The following GRB10 variants were observed in gnomAD, a reference collection of about 807,000 sequenced individuals.
The protein encoded by GRB10 is growth factor receptor bound protein 10.
GRB10 carries 20 observed loss-of-function variants against 80.9 expected under a neutral mutation model. That is an observed-to-expected ratio of 0.25 (90% CI 0.17 to 0.36). GRB10 has a LOEUF of 0.36. Ranked by LOEUF, GRB10 falls within the 10% of genes least tolerant of loss-of-function variation. GRB10 has a pLI of 1.00. For missense variants in GRB10, 548 were observed against 747.7 expected (o/e 0.73, Z 3.12); for synonymous variants, 291 against 291.5 (o/e 1.00, Z 0.02).
At chr7:50,750,068 A>T (rs1256782391) in intron 3 of GRB10, among the ~76,000 whole-genome samples, 1 of 152,198 alleles carries the variant, frequency 6.6e-6, no homozygotes, top group Non-Finnish European at 1.5e-5. Flanking sequence ...GGTGGGGGCA[A>T]AGAAAAAAGG....
intron 5 of GRB10, among the ~76,000 whole-genome samples, chr7:50,700,324 C>T (rs1235199682): frequency 2.0e-5 from 3 of 152,022 alleles, no homozygotes; most frequent in Admixed American, 2.0e-4. Flanking sequence ...TCTATCTTCC[C>T]CCAGATTTCC....
chr7:50,661,165 C>G (rs544348694), intron 7 of GRB10, among the ~76,000 whole-genome samples: 1 of 152,244 alleles, frequency 6.6e-6, no homozygotes, highest in African/African-American at 2.4e-5. Flanking sequence ...ACAACCTGCA[C>G]TGGGAGGCCA....
intron 2 of GRB10, among the ~76,000 whole-genome samples, chr7:50,769,991 G>A (rs1480935365): frequency 1.3e-5 from 2 of 152,150 alleles, no homozygotes; most frequent in Non-Finnish European, 2.9e-5. Context: ...GCCAACACAG[G>A]ACACATCACA....
intron 2 of GRB10, chr7:50,779,071 C>A (rs2078005542): frequency 6.6e-6 from 1 of 152,168 alleles, no homozygotes. Flanking sequence ...GGGCTAATCA[C>A]TAGAAAATTC....
At chr7:50,645,564 G>A (rs139672506) in intron 7 of GRB10, 1 of 979,664 alleles carries the variant, frequency 1.0e-6, no homozygotes, top group Non-Finnish European at 1.2e-6. Flanking sequence ...ACACCAAGAA[G>A]AATAAGTACC....
intron 8 of GRB10, among the ~76,000 whole-genome samples, chr7:50,621,410 C>A (rs1332188426): frequency 6.6e-6 from 1 of 152,198 alleles, no homozygotes; most frequent in African/African-American, 2.4e-5. Flanking sequence ...GCCTACCATC[C>A]CCAGAGGTGG....
intron 4 of GRB10, among the ~76,000 whole-genome samples, chr7:50,728,298 A>T (rs2069004347): frequency 6.6e-6 from 1 of 152,200 alleles, no homozygotes; most frequent in Non-Finnish European, 1.5e-5. Flanking sequence ...CAACAGTGAC[A>T]GACTTTGGGA....
At chr7:50,652,442 C>T (rs1042009651) in intron 7 of GRB10, among the ~76,000 whole-genome samples, 7 of 152,158 alleles carry the variant, frequency 4.6e-5, no homozygotes, top group East Asian at 3.8e-4. Context: ...AGGGGAACTC[C>T]AAATTACACC....
intron 7 of GRB10, among the ~76,000 whole-genome samples, chr7:50,649,955 G>T (rs757598595): frequency 1.3e-5 from 2 of 152,188 alleles, no homozygotes; most frequent in Non-Finnish European, 2.9e-5. Flanking sequence ...TTTCAGTGGT[G>T]ACTTGTCCTG....
At position 50,612,828 on chromosome 7, in the gene GRB10, G is replaced by A; in HGVS notation, c.1107C>T (p.Val369=). 1 of 1,613,242 alleles carries A rather than the reference G, an allele frequency of 6.2e-7. No homozygotes were observed. Among genetic ancestry groups the A allele is most frequent in the Non-Finnish European group, 8.5e-7 (1 of 1,179,294 alleles). ...ACCTCAGCTCTTTAGTTTCATTCCT[G>A]ACTTTGTTTGGCTACAGGAGGTAAA... ...DHGLCIKPNK[V]RNETKELRLL... is the part of the protein sequence containing the mutation. Residue 369 remains valine, a synonymous_variant, in exon 13 of 19, where the codon GTC becomes GTT. Transcript: ENST00000401949.
intron 14 of GRB10, among the ~76,000 whole-genome samples, chr7:50,605,934 C>A (rs901302987): frequency 5.9e-5 from 9 of 152,190 alleles, no homozygotes; most frequent in African/African-American, 2.2e-4. Context: ...GGAACGATGA[C>A]AATCTCTAAA....
At chr7:50,625,695 A>G (rs17152032) in intron 8 of GRB10, among the ~76,000 whole-genome samples, 10,429 of 152,292 alleles carry the variant, frequency 0.068, 890 homozygotes, top group African/African-American at 0.2. Flanking sequence ...TTAGCAATTG[A>G]TAGAGATGGG....
chr7:50,634,783 G>A (rs4513921), intron 7 of GRB10, among the ~76,000 whole-genome samples: 80,212 of 152,058 alleles, frequency 0.53, 21,293 homozygotes, highest in Admixed American at 0.54. Flanking sequence ...AACAGTTTTA[G>A]AAAAAGAGAC....
chr7:50,766,849 T>C (rs2076391874), intron 2 of GRB10, among the ~76,000 whole-genome samples: 1 of 152,240 alleles, frequency 6.6e-6, no homozygotes, highest in South Asian at 2.1e-4. Context: ...AACTACTGTG[T>C]GTTCTAGGTT....
intron 13 of GRB10, 179 bp from the exon 14 acceptor site, chr7:50,606,593 G>A (rs1288291855): frequency 3.8e-5 from 24 of 628,252 alleles, no homozygotes; most frequent in East Asian, 8.4e-5. Context: ...GAGCAATGAC[G>A]CCCCTTGAAA....
chr7:50,601,277 C>T (rs117073550), intron 17 of GRB10, among the ~76,000 whole-genome samples: 1,712 of 152,296 alleles, frequency 0.011, 15 homozygotes, highest in Non-Finnish European at 0.017. Flanking sequence ...GTTGAGAGGA[C>T]AGGGCATGTG....
intron 7 of GRB10, among the ~76,000 whole-genome samples, chr7:50,660,271 G>C (rs1259830873): frequency 5.3e-5 from 8 of 152,162 alleles, no homozygotes; most frequent in African/African-American, 1.9e-4. Context: ...GGAAGTGGGG[G>C]TGCAGCCATC....
intron 2 of GRB10, among the ~76,000 whole-genome samples, chr7:50,777,385 A>G (rs1331676524): frequency 2.0e-5 from 3 of 150,062 alleles, no homozygotes; most frequent in Non-Finnish European, 4.4e-5. Context: ...TTAGGTTTCA[A>G]CACATGAATT....
At chr7:50,774,866 T>A (rs767471098) in intron 2 of GRB10, among the ~76,000 whole-genome samples, 1 of 151,964 alleles carries the variant, frequency 6.6e-6, no homozygotes, top group Non-Finnish European at 1.5e-5. Flanking sequence ...TACTTCAGAC[T>A]TCAGCAGTGG....
Sources: allele counts gnomAD v4.1 joint callset (sites outside exome capture counted in the v4.1 genomes callset), GRCh38; gene constraint gnomAD v4.1.1; transcripts MANE v1.5; gene names NCBI Gene and HGNC (gene_info 2026-07-23, HGNC 2026-07-21).